PCDH9: variants seen among roughly 807,000 people sequenced by gnomAD.
PCDH9 encodes the protein protocadherin 9, also known as protocadherin-9.
PCDH9 carries 24 observed loss-of-function variants against 70.6 expected under a neutral mutation model. That is an observed-to-expected ratio of 0.34 (90% confidence interval 0.25 to 0.48). The LOEUF is 0.48. Among genes scored for constraint, PCDH9 ranks in the 20% least tolerant of loss-of-function variants. The pLI is 0.99. For missense variants in PCDH9, 1,281 were observed against 1,503.6 expected (o/e 0.85, Z 2.45); for synonymous variants, 562 against 558.5 (o/e 1.01, Z -0.09).
chr13:66,450,899 C>T (rs1958194507), intron 4 of PCDH9, among the ~76,000 whole-genome samples: 1 of 152,148 alleles, frequency 6.6e-6, no homozygotes, highest in Admixed American at 6.5e-5. Context: ...CCCCTGTAGT[C>T]CCAGCTACTT....
intron 3 of PCDH9, among the ~76,000 whole-genome samples, chr13:66,644,763 T>C (rs1012821704): frequency 6.6e-6 from 1 of 152,042 alleles, no homozygotes. Context: ...CGGCTTCTAT[T>C]TTTTAATTTT....
chr13:66,696,838 A>G (rs11616696), intron 3 of PCDH9, among the ~76,000 whole-genome samples: 45,218 of 143,450 alleles, frequency 0.32, 7,906 homozygotes, highest in East Asian at 0.51. Context: ...GTAGTGGCTC[A>G]TACGTGTAAT....
chr13:66,499,598 A>G (rs1959166537), intron 4 of PCDH9, among the ~76,000 whole-genome samples: 1 of 152,232 alleles, frequency 6.6e-6, no homozygotes, highest in African/African-American at 2.4e-5. Context: ...GTGGTGGCTC[A>G]GAATAGTTAT....
intron 2 of PCDH9, among the ~76,000 whole-genome samples, chr13:66,988,760 C>T (rs951326586): frequency 9.2e-5 from 14 of 151,882 alleles, no homozygotes; most frequent in South Asian, 4.1e-4. Context: ...AAGAAATGAA[C>T]GTCTAGAACT....
At chr13:67,162,948 T>A (rs942810412) in intron 2 of PCDH9, among the ~76,000 whole-genome samples, 2 of 152,214 alleles carry the variant, frequency 1.3e-5, no homozygotes, top group African/African-American at 4.8e-5. Context: ...GAAAATCATG[T>A]ATGTACTTTT....
At chr13:66,876,406 T>A (rs534241467) in intron 3 of PCDH9, among the ~76,000 whole-genome samples, 42 of 151,844 alleles carry the variant, frequency 2.8e-4, no homozygotes, top group African/African-American at 1.0e-3. Flanking sequence ...TAAAAAAAAA[T>A]ACAAAACATC....
At chr13:66,445,050 A>T (rs2138411769) in intron 4 of PCDH9, among the ~76,000 whole-genome samples, 1 of 147,546 alleles carries the variant, frequency 6.8e-6, no homozygotes, top group East Asian at 1.9e-4. Context: ...CACTATATAT[A>T]TAATATATAT....
At chr13:66,884,526 T>A (rs2081975222) in intron 3 of PCDH9, among the ~76,000 whole-genome samples, 1 of 152,146 alleles carries the variant, frequency 6.6e-6, no homozygotes, top group Non-Finnish European at 1.5e-5. Context: ...GTGGTGATGT[T>A]CATTTTGAAG....
intron 3 of PCDH9, among the ~76,000 whole-genome samples, chr13:66,805,060 C>T (rs1161915281): frequency 2.0e-5 from 3 of 152,118 alleles, no homozygotes; most frequent in Admixed American, 2.0e-4. Flanking sequence ...TACCACCTCC[C>T]TTATCTTGGC....
intron 2 of PCDH9, among the ~76,000 whole-genome samples, chr13:67,059,500 T>C (rs2085494591): frequency 2.0e-5 from 3 of 150,646 alleles, no homozygotes; most frequent in African/African-American, 7.3e-5. Flanking sequence ...TGGAGGGTGA[T>C]TGCAAATGAA....
rs550063838 is a variant in PCDH9, at chr13:67,182,350, A to G, written c.3036+43055T>C. 7.9e-5 allele frequency among the ~76,000 whole-genome samples: 12 copies of G among 152,152 alleles called. No homozygotes were observed. In the South Asian group the frequency reaches 2.5e-3, roughly 32 times the overall value. ...TAGACACAAATCTTCTCTTTCCTTC[A>G]CACCCCAACATCTAATCTGTCTACA... On this transcript the variant is annotated intron_variant, in intron 2 of 4. Coordinates refer to ENST00000377865, the MANE Select transcript of PCDH9 (RefSeq NM_203487.3).
intron 4 of PCDH9, among the ~76,000 whole-genome samples, chr13:66,323,750 A>G (rs1955794492): frequency 6.6e-6 from 1 of 151,592 alleles, no homozygotes; most frequent in East Asian, 1.9e-4. Context: ...AGTAATGAAG[A>G]CAAAATTCAA....
At chr13:66,883,943 C>G (rs1404709362) in intron 3 of PCDH9, among the ~76,000 whole-genome samples, 1 of 143,446 alleles carries the variant, frequency 7.0e-6, no homozygotes, top group African/African-American at 2.7e-5. Context: ...CACTCTGTTG[C>G]CCAGGCTGGA....
At chr13:66,826,257 G>T (rs1421917403) in intron 3 of PCDH9, among the ~76,000 whole-genome samples, 1 of 152,098 alleles carries the variant, frequency 6.6e-6, no homozygotes, top group Non-Finnish European at 1.5e-5. Context: ...AACAAAAATG[G>T]TTTCCAAGAC....
intron 2 of PCDH9, among the ~76,000 whole-genome samples, chr13:66,959,666 A>G (rs1211481186): frequency 6.6e-6 from 1 of 151,536 alleles, no homozygotes; most frequent in Non-Finnish European, 1.5e-5. Flanking sequence ...TAGGAGGATT[A>G]CTTGAGCTCA....
At chr13:66,757,734 G>C (rs148163270) in intron 3 of PCDH9, among the ~76,000 whole-genome samples, 5 of 151,998 alleles carry the variant, frequency 3.3e-5, no homozygotes, top group Non-Finnish European at 5.9e-5. Context: ...GTAATTATTC[G>C]ATATCTTCAT....
At chr13:67,073,967 G>A (rs2085820403) in intron 2 of PCDH9, among the ~76,000 whole-genome samples, 1 of 152,022 alleles carries the variant, frequency 6.6e-6, no homozygotes, top group Admixed American at 6.6e-5. Flanking sequence ...CTGCAGTTTT[G>A]CACTATAGAC....
At chr13:66,457,502 C>T (rs1388148927) in intron 4 of PCDH9, among the ~76,000 whole-genome samples, 1 of 151,714 alleles carries the variant, frequency 6.6e-6, no homozygotes, top group Non-Finnish European at 1.5e-5. Context: ...AAAAGGAATA[C>T]CTTCCTTCAT....
rs149552540 is a variant in PCDH9 at position 67,152,031 on chromosome 13, G to T, written c.3036+73374C>A. Among the ~76,000 whole-genome samples, 118 of 152,234 alleles carry T rather than the reference G, an allele frequency of 7.8e-4. 3 individuals are homozygous for T. Among genetic ancestry groups the T allele is most frequent in the Middle Eastern group, 6.8e-3 (2 of 294 alleles). On this transcript the variant is annotated intron_variant, in intron 2 of 4. Transcript: ENST00000377865. ...CATCCCAAGTTACATGAGATAAACT[G>T]AAATAGTATTTTACAAATTCCTCCA... is the stretch of plus-strand genomic sequence containing the variant.
Sources: gnomAD v4.1 joint callset for allele counts (sites outside exome capture counted in the v4.1 genomes callset) on GRCh38, gnomAD v4.1.1 for gene constraint, MANE v1.5 for transcripts, NCBI Gene and HGNC (gene_info 2026-07-23, HGNC 2026-07-21) for gene names.